Variants in INO80D observed in about 807,000 individuals in gnomAD.
INO80D encodes INO80 complex subunit D.
INO80D carries 21 observed loss-of-function variants against 87.6 expected under a neutral mutation model. The ratio of observed to expected loss-of-function variants is 0.24; its 90% CI spans 0.17 to 0.35. The LOEUF (loss-of-function observed/expected upper bound fraction) is 0.35, where lower values mean the gene tolerates loss of function less well. INO80D is among the 10% of genes least tolerant of loss of function. The pLI, the probability that INO80D is intolerant of heterozygous loss-of-function variation, is 1.00. For synonymous variants in INO80D, 440 were observed against 491.0 expected (o/e 0.90, Z 1.37); for missense variants, 982 against 1,280.7 (o/e 0.77, Z 3.56).
chr2:206,084,425 A>G (rs1233039939), intron 1 of INO80D, among the ~76,000 whole-genome samples: 1 of 152,188 alleles, frequency 6.6e-6, no homozygotes, highest in Non-Finnish European at 1.5e-5. Flanking sequence ...AACAGTGATT[A>G]TCAGAATAAA....
At chr2:206,046,902 T>C (rs971487976) in intron 4 of INO80D, among the ~76,000 whole-genome samples, 30 of 152,028 alleles carry the variant, frequency 2.0e-4, no homozygotes, top group Non-Finnish European at 3.2e-4. Flanking sequence ...TGTCTCGGCC[T>C]CCCGAGTAGC....
chr2:206,040,809 C>T (rs974065611), intron 5 of INO80D: 3 of 194,408 alleles, frequency 1.5e-5, no homozygotes, highest in Admixed American at 1.1e-4. Context: ...ACAAAACGGG[C>T]AAGAACAAGC....
At chr2:206,010,062 TACACACACAC>T (rs144790541) in intron 8 of INO80D, among the ~76,000 whole-genome samples, 3,076 of 149,070 alleles carry the variant, frequency 0.021, 51 homozygotes, top group Non-Finnish European at 0.03. Context: ...TGACACTGTC[TACACACACAC>T]ACACACACAC....
At chr2:206,041,298 G>C (rs562136549) in intron 5 of INO80D, among the ~76,000 whole-genome samples, 1 of 152,140 alleles carries the variant, frequency 6.6e-6, no homozygotes, top group Non-Finnish European at 1.5e-5. Flanking sequence ...GCAAGACCCA[G>C]TAATACATTG....
At chr2:206,020,086 T>C (rs1280980899) in intron 6 of INO80D, among the ~76,000 whole-genome samples, 1 of 76,760 alleles carries the variant, frequency 1.3e-5, no homozygotes, top group Non-Finnish European at 3.3e-5. Context: ...TTCAAGTATG[T>C]CTGTTTTTTT....
intron 4 of INO80D, among the ~76,000 whole-genome samples, chr2:206,048,717 G>A (rs1024957477): frequency 6.6e-6 from 1 of 152,048 alleles, no homozygotes; most frequent in African/African-American, 2.4e-5. Context: ...AACACACCAA[G>A]ACCCCGACTC....
At chr2:206,018,368 ACTC>A (rs1427551193) in intron 7 of INO80D, among the ~76,000 whole-genome samples, 4 of 151,902 alleles carry the variant, frequency 2.6e-5, no homozygotes, top group Admixed American at 6.6e-5. Flanking sequence ...CTGGTCTCGA[ACTC>A]CTGACCTCAA....
chr2:206,049,668 T>C (rs1016660), intron 4 of INO80D, among the ~76,000 whole-genome samples: 11,626 of 152,272 alleles, frequency 0.076, 607 homozygotes, highest in Non-Finnish European at 0.12. Flanking sequence ...CAGACAGGAC[T>C]ATAAAGGCTA....
chr2:206,006,820 G>A (rs2105796747), intron 10 of INO80D, among the ~76,000 whole-genome samples: 1 of 152,216 alleles, frequency 6.6e-6, no homozygotes, highest in East Asian at 1.9e-4. Flanking sequence ...GCCAAGGCGG[G>A]TGGATCACTT....
At position 206,003,652 on chromosome 2, in the gene INO80D, C is replaced by G. The variant is rs74594310; in HGVS notation, c.*716G>C. 2 of 152,362 alleles carry G rather than the reference C, an allele frequency of 1.3e-5. No individual in the cohort carries two copies. The highest frequency in any genetic ancestry group is 3.9e-4 in the East Asian group (2 of 5,174). The allele number at this position is 152,362 out of a possible 1,614,324, so 9.4% of individuals were successfully genotyped here. A position where few individuals can be genotyped will look rare whatever the true frequency, so the allele number is the denominator to read the frequency against. ...CAGGAAACTTGAGGAAAAGAAGGAC[C>G]AACCTTATTAGGACTGTGAGATGTA... On this transcript the variant is annotated 3_prime_UTR_variant, in exon 11 of 11. Transcript: ENST00000403263.
rs71035431 is a variant in INO80D at position 205,996,326 on chromosome 2, A to ATTTTTTTT, written c.*8034_*8041dup. 6.9e-6 allele frequency: 1 copy of ATTTTTTTT among 144,282 alleles called. No homozygotes were observed. Among genetic ancestry groups the ATTTTTTTT allele is most frequent in the Non-Finnish European group, 1.5e-5 (1 of 65,668 alleles). The allele number at this position is 144,282 out of a possible 1,614,324, so 8.9% of individuals were successfully genotyped here. On this transcript the variant is annotated 3_prime_UTR_variant, in exon 11 of 11. Coordinates refer to ENST00000403263, the MANE Select transcript of INO80D (RefSeq NM_017759.5). The stretch of plus-strand genomic sequence containing the variant: ...GGGAAAAAAACCACAATGATGTGTG[A>ATTTTTTTT]TTTTTTTTTTTTTTTTAAGTGATGA...
chr2:206,022,709 T>A (rs1355300622), intron 6 of INO80D, among the ~76,000 whole-genome samples: 1 of 152,178 alleles, frequency 6.6e-6, no homozygotes, highest in Non-Finnish European at 1.5e-5. Context: ...TTAGCTTGTA[T>A]ACAAACTATA....
intron 1 of INO80D, among the ~76,000 whole-genome samples, chr2:206,083,652 A>T (rs1690344796): frequency 6.6e-6 from 1 of 152,172 alleles, no homozygotes; most frequent in African/African-American, 2.4e-5. Flanking sequence ...ACACACCTAG[A>T]AGAATCACAT....
Position 206,006,678 on chromosome 2 carries a change from A to T in INO80D, c.1918+606T>A, listed in dbSNP as rs1322749064. On this transcript the variant is annotated intron_variant, in intron 10 of 10. Coordinates refer to ENST00000403263, the MANE Select transcript of INO80D (RefSeq NM_017759.5). ...AGTCTGAGCGACAGAGCGAGACTCC[A>T]TCTCAAAAAAAAAAAAAAAAAGTCA... is the stretch of plus-strand genomic sequence containing the variant. Among the ~76,000 whole-genome samples the T allele has an allele frequency of 2.8e-5, 4 of 144,682 alleles. No homozygotes were observed. The East Asian group carries it at 8.0e-4, about 29-fold the overall frequency. 94.9% of individuals were successfully genotyped at this position (144,682 alleles called of 152,430 possible). A position where few individuals can be genotyped will look rare whatever the true frequency, so the allele number is the denominator to read the frequency against.
chr2:206,076,102 G>A (rs1013256578), intron 1 of INO80D, among the ~76,000 whole-genome samples: 69 of 148,508 alleles, frequency 4.6e-4, no homozygotes, highest in Non-Finnish European at 7.9e-4. Flanking sequence ...GGCTCATACC[G>A]TAATACCAGA....
intron 1 of INO80D, 140 bp from the exon 2 acceptor site, chr2:206,063,384 A>G: frequency 2.8e-6 from 1 of 363,280 alleles, no homozygotes; most frequent in Non-Finnish European, 4.8e-6. Flanking sequence ...ACGAGGTTAA[A>G]TAAGAAAATA....
rs116592650 is a variant in INO80D, at chr2:206,068,795, G to A, written c.-123-5551C>T. ...ACTCACTGCACCCTCAACCTCCAGG[G>A]CTCAAGCAATCCTCCCACCTCAGCC... On this transcript the variant is annotated intron_variant, in intron 1 of 10. Transcript: ENST00000403263. Among the ~76,000 whole-genome samples, 593 of 152,076 alleles carry A rather than the reference G, an allele frequency of 3.9e-3. 3 individuals are homozygous for A. Among genetic ancestry groups the A allele is most frequent in the Non-Finnish European group, 6.6e-3 (447 of 67,986 alleles).
At chr2:206,073,499 C>A (rs1690027764) in intron 1 of INO80D, among the ~76,000 whole-genome samples, 1 of 152,040 alleles carries the variant, frequency 6.6e-6, no homozygotes, top group Non-Finnish European at 1.5e-5. Flanking sequence ...ATCGCATTTT[C>A]TTTCTTCCTT....
At position 206,085,610 on chromosome 2, in the gene INO80D, C is replaced by G. The variant is rs920213202; in HGVS notation, c.-124+291G>C. 2.0e-5 allele frequency: 3 copies of G among 149,156 alleles called. No individual in the cohort carries two copies. The highest frequency in any genetic ancestry group is 7.3e-5 in the African/African-American group (3 of 40,994). 9.2% of individuals were successfully genotyped at this position (149,156 alleles called of 1,614,324 possible). On this transcript the variant is annotated intron_variant, in intron 1 of 10. Coordinates refer to ENST00000403263, the MANE Select transcript of INO80D (RefSeq NM_017759.5). The surrounding 1 kb of genome is among the most constrained non-coding windows in gnomAD (Gnocchi z 4.5). ...GCGCCCCCCCCTCCCGCCGCACACC[C>G]CCACCTGGCCCGCGCAGGCCGCTCC... is the stretch of plus-strand genomic sequence containing the variant.
Sources: allele counts gnomAD v4.1 joint callset (sites outside exome capture counted in the v4.1 genomes callset), GRCh38; gene constraint gnomAD v4.1.1; non-coding constraint Gnocchi (gnomAD v3.1); transcripts MANE v1.5; gene names NCBI Gene and HGNC (gene_info 2026-07-23, HGNC 2026-07-21).